The following CACNA1E variants were observed in gnomAD, a reference collection of about 807,000 sequenced individuals.
The protein encoded by CACNA1E is calcium voltage-gated channel subunit alpha1 E.
In CACNA1E, 40 loss-of-function variants were observed where a neutral mutation model predicts 259.2. The ratio of observed to expected loss-of-function variants is 0.15; its 90% CI spans 0.12 to 0.20. CACNA1E has a LOEUF of 0.20. Ranked by LOEUF, CACNA1E falls within the 10% of genes least tolerant of loss-of-function variation. The pLI, the probability that CACNA1E is intolerant of heterozygous loss-of-function variation, is 1.00. For synonymous variants in CACNA1E, 1,104 were observed against 1,138.5 expected, an observed-to-expected ratio of 0.97 and a Z score of 0.61; for missense variants, 1,874 against 3,040.1, an observed-to-expected ratio of 0.62 and a Z score of 9.02.
At chr1:181,545,445 G>C (rs1275734169) in intron 3 of CACNA1E, among the ~76,000 whole-genome samples, 1 of 152,190 alleles carries the variant, frequency 6.6e-6, no homozygotes, top group Non-Finnish European at 1.5e-5. Flanking sequence ...GGTCCAGTTG[G>C]TGGGCTCCCT....
chr1:181,597,616 A>G (rs1172818427), intron 6 of CACNA1E, among the ~76,000 whole-genome samples: 1 of 152,190 alleles, frequency 6.6e-6, no homozygotes, highest in East Asian at 1.9e-4. Flanking sequence ...ATCGGTCCTC[A>G]TTTGATAAAT....
rs371652502 is a variant in CACNA1E, at chr1:181,762,537, C to A, written c.4606-37C>A. ...TCTTTTCTCCTTTTTTTTTTCTTTC[C>A]TTTTCTGATGTTCCTATGACTGAAT... is the stretch of plus-strand genomic sequence containing the variant. On this transcript the variant is annotated intron_variant, in intron 32 of 47. Coordinates refer to ENST00000367573, the MANE Select transcript of CACNA1E (RefSeq NM_001205293.3). 3.7e-3 allele frequency: 4,527 copies of A among 1,217,048 alleles called. 22 individuals are homozygous for A. The highest frequency in any genetic ancestry group is 0.014 in the Middle Eastern group (76 of 5,248). 75.4% of individuals were successfully genotyped at this position (1,217,048 alleles called of 1,614,324 possible). A position where few individuals can be genotyped will look rare whatever the true frequency, so the allele number is the denominator to read the frequency against.
intron 3 of CACNA1E, among the ~76,000 whole-genome samples, chr1:181,530,340 A>G (rs1346093439): frequency 6.6e-6 from 1 of 152,222 alleles, no homozygotes; most frequent in Non-Finnish European, 1.5e-5. Flanking sequence ...GCAGCATGAA[A>G]ATGAACTAAT....
At chr1:181,430,786 C>A (rs960278795) in intron 2 of CACNA1E, among the ~76,000 whole-genome samples, 3 of 152,204 alleles carry the variant, frequency 2.0e-5, no homozygotes, top group Non-Finnish European at 4.4e-5. Flanking sequence ...TCTCCTCCCT[C>A]AACTGGATCA....
intron 23 of CACNA1E, among the ~76,000 whole-genome samples, chr1:181,737,856 C>T (rs1454004985): frequency 6.6e-6 from 1 of 152,148 alleles, no homozygotes; most frequent in Non-Finnish European, 1.5e-5. Flanking sequence ...AAGGCTCTGC[C>T]CCAAACCGGC....
chr1:181,677,100 G>A (rs1009719640), intron 7 of CACNA1E, among the ~76,000 whole-genome samples: 6 of 151,894 alleles, frequency 4.0e-5, no homozygotes, highest in African/African-American at 1.2e-4. Context: ...GTAGCTTCTG[G>A]GACAGTGCCC....
At chr1:181,639,640 C>G (rs1657572878) in intron 6 of CACNA1E, among the ~76,000 whole-genome samples, 2 of 152,152 alleles carry the variant, frequency 1.3e-5, no homozygotes, top group Non-Finnish European at 2.9e-5. Flanking sequence ...GAGAGCTATG[C>G]AAAGTGGTCA....
chr1:181,804,816 G>C lies in CACNA1E; in HGVS notation c.*5982G>C, dbSNP rs1260419940. On this transcript the variant is annotated 3_prime_UTR_variant, in exon 48 of 48. Coordinates refer to ENST00000367573, the MANE Select transcript of CACNA1E (RefSeq NM_001205293.3). ...ATTCTCAGCATTGCTATAAGCATTT[G>C]ATTTTTTTTAAGGAAACTTCCTGTT... 6.7e-6 allele frequency: 1 copy of C among 150,314 alleles called. No individual in the cohort carries two copies. Among genetic ancestry groups the C allele is most frequent in the Non-Finnish European group, 1.5e-5 (1 of 67,758 alleles). 9.3% of individuals were successfully genotyped at this position (150,314 alleles called of 1,614,324 possible). A position where few individuals can be genotyped will look rare whatever the true frequency, so the allele number is the denominator to read the frequency against.
chr1:181,330,641 T>C (rs1651188567), intron 1 of CACNA1E, among the ~76,000 whole-genome samples: 1 of 152,158 alleles, frequency 6.6e-6, no homozygotes, highest in East Asian at 1.9e-4. Flanking sequence ...GCTGCCCAAG[T>C]CCCTGTGACA....
At position 181,512,130 on chromosome 1, in the gene CACNA1E, G is replaced by GCAGTA. The variant is rs1666221995; in HGVS notation, c.512+623_512+627dup. 1.4e-4 allele frequency among the ~76,000 whole-genome samples: 22 copies of GCAGTA among 152,240 alleles called. 1 individual carries two copies. The highest frequency in any genetic ancestry group is 1.4e-3 in the Admixed American group (22 of 15,288). ...CAGTGTCACAGCAGCATATATGATG[G>GCAGTA]CAGTACATTTAGTTAAATATTTGAT... On this transcript the variant is annotated intron_variant, in intron 3 of 47. Coordinates refer to ENST00000367573, the MANE Select transcript of CACNA1E (RefSeq NM_001205293.3).
chr1:181,807,773 G>A lies in CACNA1E; in HGVS notation c.*8939G>A, dbSNP rs185764426. On this transcript the variant is annotated 3_prime_UTR_variant, in exon 48 of 48. Transcript: ENST00000367573. ...AAATGTGATATGTGGTCATCTCTCA[G>A]GGAGGTCTAGGTCCTTGCAGGCTGG... is the stretch of plus-strand genomic sequence containing the variant. 2.0e-5 allele frequency: 3 copies of A among 152,138 alleles called. No homozygotes were observed. Among genetic ancestry groups the A allele is most frequent in the African/African-American group, 7.2e-5 (3 of 41,508 alleles). The allele number at this position is 152,138 out of a possible 1,614,324, so 9.4% of individuals were successfully genotyped here.
intron 6 of CACNA1E, among the ~76,000 whole-genome samples, chr1:181,601,572 C>T (rs1178993674): frequency 6.6e-6 from 1 of 152,080 alleles, no homozygotes; most frequent in African/African-American, 2.4e-5. Flanking sequence ...TGTCTTACAC[C>T]CCACATTTAA....
intron 1 of CACNA1E, among the ~76,000 whole-genome samples, chr1:181,490,847 T>G (rs1350496709): frequency 2.0e-5 from 3 of 152,128 alleles, no homozygotes; most frequent in Non-Finnish European, 4.4e-5. Flanking sequence ...AAGGAAGAAG[T>G]GCTCTGGTGT....
intron 3 of CACNA1E, among the ~76,000 whole-genome samples, chr1:181,571,119 AT>A (rs149150298): frequency 6.6e-6 from 1 of 151,722 alleles, no homozygotes; most frequent in South Asian, 2.1e-4. Flanking sequence ...TACAAGCATT[AT>A]TTTTTTTTAA....
rs1655627328 is a variant in CACNA1E at position 181,732,782 on chromosome 1, C to A, written c.2696C>A (p.Ala899Glu). The change falls in exon 20 of 48, where the codon GCA (alanine) becomes GAA (glutamate). Residue 899 changes from alanine to glutamate, a missense_variant. Transcript: ENST00000367573. The surrounding 1 kb of genome is among the most constrained non-coding windows in gnomAD (Gnocchi z 5.5). The part of the protein sequence containing the change: ...HGNCDPTQQE[A>E]GGGEAVVTFE... The stretch of plus-strand genomic sequence containing the variant: ...AACTGTGACCCGACTCAGCAGGAGG[C>A]AGGGGGAGGAGAGGCTGTGGTGACC... The A allele has an allele frequency of 6.3e-7, 1 of 1,590,330 alleles. No individual in the cohort carries two copies. The highest frequency in any genetic ancestry group is 1.3e-5 in the African/African-American group (1 of 74,476).
chr1:181,436,351 C>G (rs1660087534), intron 2 of CACNA1E, among the ~76,000 whole-genome samples: 1 of 152,138 alleles, frequency 6.6e-6, no homozygotes, highest in Non-Finnish European at 1.5e-5. Context: ...ATCCAGTAGT[C>G]CCACTTCTGG....
At chr1:181,437,991 C>T (rs969119466) in intron 2 of CACNA1E, among the ~76,000 whole-genome samples, 8 of 152,216 alleles carry the variant, frequency 5.3e-5, no homozygotes, top group African/African-American at 1.9e-4. Context: ...GAACTTTTGA[C>T]TTATGCCATC....
chr1:181,654,530 A>ATT (rs1012320129), intron 7 of CACNA1E, among the ~76,000 whole-genome samples: 9 of 152,196 alleles, frequency 5.9e-5, no homozygotes, highest in Admixed American at 1.3e-4. Flanking sequence ...TCTTTCCAGC[A>ATT]TTATTTCATG....
chr1:181,726,180 T>C lies in CACNA1E; in HGVS notation c.2240+18T>C, dbSNP rs751805769. ...TCGATCGAGTGAGTCAGCTGCCCCCTTCACTGATCCCTGAGCTCCTGTGCT... is the reference window on the plus strand; with the variant it reads ...TCGATCGAGTGAGTCAGCTGCCCCCCTCACTGATCCCTGAGCTCCTGTGCT... On this transcript the variant is annotated intron_variant, in intron 18 of 47. Transcript: ENST00000367573. 3.8e-6 allele frequency: 6 copies of C among 1,576,702 alleles called. No homozygotes were observed. The highest frequency in any genetic ancestry group is 5.2e-6 in the Non-Finnish European group (6 of 1,150,150).
Sources: allele counts gnomAD v4.1 joint callset (sites outside exome capture counted in the v4.1 genomes callset), GRCh38; gene constraint gnomAD v4.1.1; non-coding constraint Gnocchi (gnomAD v3.1); transcripts MANE v1.5; gene names NCBI Gene and HGNC (gene_info 2026-07-23, HGNC 2026-07-21).